Variants in PI4KA observed in about 807,000 individuals in gnomAD.
PI4KA encodes the protein phosphatidylinositol 4-kinase alpha, also known as PI4-kinase alpha.
PI4KA carries 122 observed loss-of-function variants against 271.4 expected under a neutral mutation model. The observed-to-expected ratio is 0.45, with a 90% CI of 0.39 to 0.52. The LOEUF (loss-of-function observed/expected upper bound fraction) is 0.52. Among genes scored for constraint, PI4KA ranks in the 20% least tolerant of loss-of-function variants. PI4KA has a pLI of 0.00. For synonymous variants in PI4KA, 1,041 were observed against 1,078.8 expected (o/e 0.96, Z 0.69); for missense variants, 1,969 against 2,769.1 (o/e 0.71, Z 6.48).
At chr22:20,718,600 C>A in intron 44 of PI4KA, 93 bp downstream of exon 44, 1 of 1,412,222 alleles carries the variant, frequency 7.1e-7, no homozygotes, top group Non-Finnish European at 1.0e-6. Flanking sequence ...TGGGGCCAGG[C>A]ACGGGTATTT....
chr22:20,742,873 C>A (rs1929630208), intron 30 of PI4KA, 109 bp from the exon 31 acceptor site: 1 of 905,636 alleles, frequency 1.1e-6, no homozygotes, highest in African/African-American at 1.6e-5. Flanking sequence ...TGCCTCGCTG[C>A]CCCAAAGTGG....
chr22:20,736,642 A>C (rs1275648283), intron 32 of PI4KA: 1 of 154,638 alleles, frequency 6.5e-6, no homozygotes, highest in Non-Finnish European at 1.4e-5. Context: ...AGACAGAAGG[A>C]CCTCGCTGGC....
intron 17 of PI4KA, among the ~76,000 whole-genome samples, chr22:20,796,880 C>G (rs1042755657): frequency 6.6e-6 from 1 of 152,248 alleles, no homozygotes; most frequent in Admixed American, 6.5e-5. Flanking sequence ...GGATGTGAAG[C>G]TGACATTGCC....
intron 18 of PI4KA, among the ~76,000 whole-genome samples, chr22:20,794,722 C>A (rs960012969): frequency 6.6e-6 from 1 of 152,190 alleles, no homozygotes; most frequent in African/African-American, 2.4e-5. Flanking sequence ...TCCCACTCAG[C>A]GCCACAGGCA....
At chr22:20,819,357 A>G (rs1922286601) in intron 6 of PI4KA, among the ~76,000 whole-genome samples, 1 of 151,424 alleles carries the variant, frequency 6.6e-6, no homozygotes, top group Non-Finnish European at 1.5e-5. Flanking sequence ...TCTTGCTCAG[A>G]GTATGGGAAC....
chr22:20,815,312 C>G (rs1378660987), intron 7 of PI4KA, among the ~76,000 whole-genome samples: 1 of 141,124 alleles, frequency 7.1e-6, no homozygotes, highest in Non-Finnish European at 1.5e-5. Context: ...GCCCGGGAGG[C>G]TGAGGTTGCA....
intron 19 of PI4KA, among the ~76,000 whole-genome samples, chr22:20,766,479 C>T (rs1165283028): frequency 6.6e-6 from 1 of 152,166 alleles, no homozygotes; most frequent in African/African-American, 2.4e-5. Context: ...GCCTGGCCAA[C>T]ATGGTGAAAC....
chr22:20,763,240 T>C (rs937013700), intron 22 of PI4KA, among the ~76,000 whole-genome samples: 5 of 151,804 alleles, frequency 3.3e-5, no homozygotes, highest in Non-Finnish European at 7.4e-5. Context: ...GCCTCCTCAG[T>C]AGCTGGGACT....
At chr22:20,854,722 G>GA (rs1423086490) in intron 1 of PI4KA, among the ~76,000 whole-genome samples, 10 of 151,936 alleles carry the variant, frequency 6.6e-5, no homozygotes, top group African/African-American at 1.9e-4. Context: ...AGAAAGAAGA[G>GA]AAAAAAATAG....
chr22:20,778,663 G>T (rs762087675), intron 19 of PI4KA, among the ~76,000 whole-genome samples: 4 of 152,130 alleles, frequency 2.6e-5, no homozygotes, highest in African/African-American at 4.8e-5. Context: ...TGCAAAGGTG[G>T]AATGGTGTGA....
At chr22:20,843,062 C>T (rs1212433801) in intron 1 of PI4KA, among the ~76,000 whole-genome samples, 1 of 146,650 alleles carries the variant, frequency 6.8e-6, no homozygotes, top group Admixed American at 6.9e-5. Flanking sequence ...TGCGCCACTG[C>T]ACTCCAGCCT....
chr22:20,815,259 T>C (rs188208654), intron 7 of PI4KA, among the ~76,000 whole-genome samples: 1 of 151,294 alleles, frequency 6.6e-6, no homozygotes, highest in East Asian at 2.0e-4. Context: ...CACGTGCCTG[T>C]AATCCCAGCT....
intron 19 of PI4KA, among the ~76,000 whole-genome samples, chr22:20,786,527 A>G (rs1569032476): frequency 1.3e-5 from 2 of 152,170 alleles, no homozygotes; most frequent in East Asian, 1.9e-4. Context: ...CGCTCAGCAA[A>G]AGAGAGAGAA....
At chr22:20,741,762 T>G (rs1929485733) in intron 32 of PI4KA, among the ~76,000 whole-genome samples, 1 of 152,050 alleles carries the variant, frequency 6.6e-6, no homozygotes. Context: ...CTTTGAAAAA[T>G]AAAATTGTTC....
intron 3 of PI4KA, among the ~76,000 whole-genome samples, chr22:20,826,957 T>G (rs1923502691): frequency 6.6e-6 from 1 of 152,168 alleles, no homozygotes; most frequent in African/African-American, 2.4e-5. Context: ...GACCTTTGCA[T>G]AGTTTGCAAA....
chr22:20,788,402 A>G (rs1022817594), intron 19 of PI4KA, among the ~76,000 whole-genome samples: 2 of 152,158 alleles, frequency 1.3e-5, no homozygotes, highest in African/African-American at 4.8e-5. Context: ...CTTTGTAGGC[A>G]TGCCTGTGGG....
At chr22:20,813,665 C>T (rs1921366908) in intron 7 of PI4KA, among the ~76,000 whole-genome samples, 159 bp from the exon 8 acceptor site, 1 of 152,206 alleles carries the variant, frequency 6.6e-6, no homozygotes, top group Non-Finnish European at 1.5e-5. Context: ...GGGTAGATTG[C>T]AAATCCTTGG....
intron 1 of PI4KA, among the ~76,000 whole-genome samples, chr22:20,841,618 C>G (rs962970729): frequency 6.6e-6 from 1 of 152,160 alleles, no homozygotes; most frequent in African/African-American, 2.4e-5. Context: ...GCATGTCAGG[C>G]AGAATAATGG....
intron 1 of PI4KA, among the ~76,000 whole-genome samples, chr22:20,847,260 G>A (rs941107311): frequency 2.6e-5 from 4 of 151,880 alleles, no homozygotes; most frequent in African/African-American, 9.7e-5. Flanking sequence ...TGCACATCCT[G>A]CACATGAACC....
Sources: allele counts gnomAD v4.1 joint callset (sites outside exome capture counted in the v4.1 genomes callset), GRCh38; gene constraint gnomAD v4.1.1; transcripts MANE v1.5; gene names NCBI Gene and HGNC (gene_info 2026-07-23, HGNC 2026-07-21).